VPS8: variants seen among roughly 807,000 people sequenced by gnomAD.
The protein encoded by VPS8 is VPS8 subunit of CORVET complex, also known as vacuolar protein sorting-associated protein 8 homolog.
Under a neutral mutation model 216.4 loss-of-function variants are expected in VPS8, and 129 were observed. The ratio of observed to expected loss-of-function variants is 0.60; its 90% confidence interval spans 0.52 to 0.69. The LOEUF (loss-of-function observed/expected upper bound fraction) is 0.69, where lower values mean the gene tolerates loss of function less well. Among genes scored for constraint, VPS8 ranks in the 30% least tolerant of loss-of-function variants. The pLI is 0.00. For synonymous variants in VPS8, 571 were observed against 565.4 expected, an observed-to-expected ratio of 1.01 and a Z score of -0.14; for missense variants, 1,531 against 1,683.5, an observed-to-expected ratio of 0.91 and a Z score of 1.59.
chr3:184,983,132 A>G, intron 42 of VPS8, 38 bp downstream of exon 42: 1 of 1,496,928 alleles, frequency 6.7e-7, no homozygotes, highest in South Asian at 1.3e-5. Flanking sequence ...ATTGATTTCA[A>G]CTAACATTTT....
intron 25 of VPS8, among the ~76,000 whole-genome samples, chr3:184,907,033 C>G (rs530506122): frequency 6.6e-6 from 1 of 152,168 alleles, no homozygotes; most frequent in Non-Finnish European, 1.5e-5. Flanking sequence ...AGGATGCACC[C>G]GTGACACAGC....
chr3:185,026,392 C>T (rs1049830178), intron 46 of VPS8, among the ~76,000 whole-genome samples: 4 of 149,464 alleles, frequency 2.7e-5, no homozygotes, highest in East Asian at 2.0e-4. Flanking sequence ...CCACAGATAT[C>T]GAGGGATGGC....
intron 2 of VPS8, among the ~76,000 whole-genome samples, chr3:184,825,423 G>A (rs1718548538): frequency 6.6e-6 from 1 of 151,968 alleles, no homozygotes; most frequent in Admixed American, 6.6e-5. Flanking sequence ...ATGAGTATGA[G>A]AATAACAGCA....
chr3:184,833,883 A>G (rs961428937), intron 4 of VPS8, among the ~76,000 whole-genome samples: 2 of 152,198 alleles, frequency 1.3e-5, no homozygotes, highest in African/African-American at 4.8e-5. Context: ...ATGGCACTTA[A>G]TTCATATCTC....
At chr3:184,973,450 G>T (rs12696538) in intron 40 of VPS8, among the ~76,000 whole-genome samples, 1 of 151,938 alleles carries the variant, frequency 6.6e-6, no homozygotes, top group Non-Finnish European at 1.5e-5. Context: ...ATACATATTC[G>T]TGGGGTTAAT....
intron 22 of VPS8, among the ~76,000 whole-genome samples, chr3:184,892,705 G>A (rs770552601): frequency 2.0e-5 from 3 of 152,132 alleles, no homozygotes; most frequent in Non-Finnish European, 4.4e-5. Flanking sequence ...AGAAAGAAAC[G>A]TGTGGTTTTG....
chr3:184,844,521 T>C (rs1722760913), intron 8 of VPS8, among the ~76,000 whole-genome samples: 1 of 152,180 alleles, frequency 6.6e-6, no homozygotes, highest in Non-Finnish European at 1.5e-5. Flanking sequence ...ACAATTAAAC[T>C]GGATTCCTAC....
chr3:185,037,618 C>A (rs1759091551), intron 46 of VPS8, among the ~76,000 whole-genome samples: 1 of 152,096 alleles, frequency 6.6e-6, no homozygotes, highest in Non-Finnish European at 1.5e-5. Context: ...GATGATAACT[C>A]CACATTTCTC....
chr3:184,849,280 A>G, intron 9 of VPS8, 85 bp downstream of exon 9: 2 of 1,471,382 alleles, frequency 1.4e-6, no homozygotes, highest in East Asian at 4.7e-5. Context: ...TCAAAGACCA[A>G]AATACGTGTT....
chr3:184,996,191 C>T (rs1460716354), intron 43 of VPS8, 141 bp from the exon 44 acceptor site: 11 of 1,012,522 alleles, frequency 1.1e-5, no homozygotes, highest in Admixed American at 3.1e-5. Flanking sequence ...TTTGTTTCAA[C>T]AATGTTATCC....
chr3:184,901,490 TTTTTTAAGG>T (rs1300187742), intron 25 of VPS8: 1 of 151,754 alleles, frequency 6.6e-6, no homozygotes, highest in African/African-American at 2.4e-5. Context: ...TGTGGACAAG[TTTTTTAAGG>T]TTTTTTTGGG....
At position 185,048,483 on chromosome 3, in the gene VPS8, C is replaced by T; in HGVS notation, c.4061C>T (p.Thr1354Ile). 6.2e-7 allele frequency: 1 copy of T among 1,614,000 alleles called. No homozygotes were observed. Among genetic ancestry groups the T allele is most frequent in the Non-Finnish European group, 8.5e-7 (1 of 1,179,888 alleles). Residue 1354 changes from threonine to isoleucine, a missense_variant, in exon 47 of 48, where the codon ACC (threonine) becomes ATC (isoleucine). Coordinates refer to ENST00000625842, the MANE Select transcript of VPS8 (RefSeq NM_001009921.3). ...GTATCGGTTTTTATTTTTCAGGGAA[C>T]CTCAGAACCTGTTCTGGATCCACAG... is the stretch of plus-strand genomic sequence containing the variant. ...SKGDPTAKKGTSEPVLDPQQI... is the reference protein window; with the variant it reads ...SKGDPTAKKGISEPVLDPQQI...
intron 23 of VPS8, among the ~76,000 whole-genome samples, chr3:184,898,364 G>T (rs962017377): frequency 6.6e-6 from 1 of 152,168 alleles, no homozygotes; most frequent in Non-Finnish European, 1.5e-5. Flanking sequence ...TAAAGTAAGC[G>T]TTGTACTATT....
At chr3:184,961,003 G>A (rs978261105) in intron 37 of VPS8, among the ~76,000 whole-genome samples, 1 of 152,092 alleles carries the variant, frequency 6.6e-6, no homozygotes, top group African/African-American at 2.4e-5. Context: ...AATTGTTATC[G>A]ATCAAGCATG....
chr3:185,018,101 G>GAGT (rs1276650880), intron 45 of VPS8, among the ~76,000 whole-genome samples: 1 of 152,156 alleles, frequency 6.6e-6, no homozygotes, highest in African/African-American at 2.4e-5. Context: ...TGTGCTAGCA[G>GAGT]AGTAGCCTTA....
At chr3:184,980,849 A>T (rs944292204) in intron 40 of VPS8, among the ~76,000 whole-genome samples, 1 of 152,176 alleles carries the variant, frequency 6.6e-6, no homozygotes, top group Non-Finnish European at 1.5e-5. Context: ...CTTAAGATCC[A>T]TTGCTGGGGA....
intron 8 of VPS8, among the ~76,000 whole-genome samples, chr3:184,848,131 C>T (rs1723483791): frequency 6.6e-6 from 1 of 152,014 alleles, no homozygotes; most frequent in African/African-American, 2.4e-5. Context: ...AGGCTGGTCT[C>T]GAACTCCTAA....
intron 1 of VPS8, among the ~76,000 whole-genome samples, chr3:184,814,664 G>C (rs1388698190): frequency 6.6e-6 from 1 of 152,204 alleles, no homozygotes; most frequent in Non-Finnish European, 1.5e-5. Context: ...ACTTACCATG[G>C]ATGGAGTTTG....
rs932463126 is a variant in VPS8 at position 184,994,490 on chromosome 3, A to G, written c.3666+427A>G. Among the ~76,000 whole-genome samples, 6 of 4,138 alleles carry G rather than the reference A, an allele frequency of 1.4e-3. No homozygotes were observed. In the Non-Finnish European group the frequency reaches 0.058, roughly 40 times the overall value. The allele number at this position is 4,138 out of a possible 152,430, so 2.7% of individuals were successfully genotyped here. On this transcript the variant is annotated intron_variant, in intron 43 of 47. Coordinates refer to ENST00000625842, the MANE Select transcript of VPS8 (RefSeq NM_001009921.3). The stretch of plus-strand genomic sequence containing the variant: ...GTGACAGAGCAAGACCCTTCTCTGA[A>G]AAAAAAAAAAAAAATTCTCTTGACC...
Sources: allele counts gnomAD v4.1 joint callset (sites outside exome capture counted in the v4.1 genomes callset), GRCh38; gene constraint gnomAD v4.1.1; transcripts MANE v1.5; gene names NCBI Gene and HGNC (gene_info 2026-07-23, HGNC 2026-07-21).